Variants in EPHA5 observed in about 807,000 individuals in gnomAD.
EPHA5 encodes ephrin type-A receptor 5.
In EPHA5, 60 loss-of-function variants were observed where a neutral mutation model predicts 105.0. The ratio of observed to expected loss-of-function variants is 0.57; its 90% CI spans 0.46 to 0.71. The LOEUF is 0.71. Ranked by LOEUF, EPHA5 falls within the 30% of genes least tolerant of loss-of-function variation. The pLI, the probability that EPHA5 is intolerant of heterozygous loss-of-function variation, is 0.00. For synonymous variants in EPHA5, 513 were observed against 449.1 expected (o/e 1.14, Z -1.80); for missense variants, 1,218 against 1,274.7 (o/e 0.96, Z 0.68).
Position 65,328,160 on chromosome 4 carries a change from G to A in EPHA5, c.2945+3813C>T, listed in dbSNP as rs147026049. ...ACCGAAGGTCAATTCTAGTGATAAC[G>A]AATTATATTTTGATATAGGCCTATG... On this transcript the variant is annotated intron_variant, in intron 16 of 16. Coordinates refer to ENST00000613740, the MANE Select transcript of EPHA5 (RefSeq NM_001281766.3). Among the ~76,000 whole-genome samples, 230 of 151,036 alleles carry A rather than the reference G, an allele frequency of 1.5e-3. 1 individual carries two copies. The highest frequency in any genetic ancestry group is 5.1e-3 in the African/African-American group (213 of 41,374).
chr4:65,573,394 G>C, intron 3 of EPHA5: 1 of 980,026 alleles, frequency 1.0e-6, no homozygotes, highest in Non-Finnish European at 1.4e-6. Context: ...CTGGGTGACC[G>C]AGCCAGACTC....
At chr4:65,485,458 G>A (rs1408128088) in intron 5 of EPHA5, among the ~76,000 whole-genome samples, 1 of 151,988 alleles carries the variant, frequency 6.6e-6, no homozygotes, top group African/African-American at 2.4e-5. Context: ...ACCAATTCTA[G>A]TATTTGACTT....
chr4:65,566,262 A>G (rs1332527843), intron 3 of EPHA5, among the ~76,000 whole-genome samples: 1 of 151,840 alleles, frequency 6.6e-6, no homozygotes, highest in Non-Finnish European at 1.5e-5. Context: ...GTCTAAATGG[A>G]TTAAATTGCA....
intron 11 of EPHA5, among the ~76,000 whole-genome samples, chr4:65,364,139 A>T (rs1717616230): frequency 6.6e-6 from 1 of 151,558 alleles, no homozygotes; most frequent in Non-Finnish European, 1.5e-5. Context: ...AACACATCTA[A>T]GATTTGAAGA....
chr4:65,596,638 G>A (rs1243044004), intron 3 of EPHA5, among the ~76,000 whole-genome samples: 1 of 151,496 alleles, frequency 6.6e-6, no homozygotes, highest in African/African-American at 2.4e-5. Context: ...TGGATGAAAT[G>A]ATTTGACTAC....
intron 3 of EPHA5, among the ~76,000 whole-genome samples, chr4:65,565,167 A>G (rs1335009277): frequency 6.6e-6 from 1 of 151,714 alleles, no homozygotes; most frequent in Non-Finnish European, 1.5e-5. Context: ...CTATTCCCAA[A>G]TCACCTTTCT....
At chr4:65,461,566 A>G (rs1271588955) in intron 5 of EPHA5, among the ~76,000 whole-genome samples, 1 of 152,066 alleles carries the variant, frequency 6.6e-6, no homozygotes, top group African/African-American at 2.4e-5. Context: ...TTCATACAAA[A>G]ATTCCATGAA....
intron 2 of EPHA5, among the ~76,000 whole-genome samples, chr4:65,603,375 T>C (rs1036086896): frequency 6.6e-6 from 1 of 152,090 alleles, no homozygotes; most frequent in Non-Finnish European, 1.5e-5. Flanking sequence ...TGATATATAA[T>C]TTTAAATCTT....
At position 65,507,454 on chromosome 4, in the gene EPHA5, G is replaced by A. The variant is rs184524500; in HGVS notation, c.911-11911C>T. 1.6e-3 allele frequency among the ~76,000 whole-genome samples: 240 copies of A among 152,202 alleles called. 2 individuals carry two copies. The highest frequency in any genetic ancestry group is 6.8e-3 in the Middle Eastern group (2 of 294). On this transcript the variant is annotated intron_variant, in intron 3 of 16. Transcript: ENST00000613740. ...TGGCATTGAATCTATAAATTACCTT[G>A]GGCAGTATGGCCATTTTCACGATAT...
At chr4:65,454,095 A>C (rs1422413215) in intron 5 of EPHA5, among the ~76,000 whole-genome samples, 1 of 152,080 alleles carries the variant, frequency 6.6e-6, no homozygotes, top group East Asian at 1.9e-4. Flanking sequence ...AGCCTGACCA[A>C]TGTGGAAAAA....
Position 65,322,948 on chromosome 4 carries a change from T to G in EPHA5, c.*1166A>C. On this transcript the variant is annotated 3_prime_UTR_variant, in exon 17 of 17. Transcript: ENST00000613740. Reference sequence around the variant, plus strand: ...ACAACGGATTAACACTTAAGGGTGATGCTTCGTGCTATGTGCCTGGATTTA... The same window carrying G: ...ACAACGGATTAACACTTAAGGGTGAGGCTTCGTGCTATGTGCCTGGATTTA... 1 of 229,272 alleles carries G rather than the reference T, an allele frequency of 4.4e-6. No homozygotes were observed. Among genetic ancestry groups the G allele is most frequent in the Middle Eastern group, 1.3e-3 (1 of 774 alleles). The allele number at this position is 229,272 out of a possible 1,614,324, so 14.2% of individuals were successfully genotyped here.
chr4:65,658,328 C>G (rs193010319), intron 1 of EPHA5, among the ~76,000 whole-genome samples: 1 of 152,118 alleles, frequency 6.6e-6, no homozygotes, highest in East Asian at 1.9e-4. Flanking sequence ...ATACTGAGAA[C>G]TTTGTACTCA....
At chr4:65,444,879 A>T in intron 5 of EPHA5, among the ~76,000 whole-genome samples, 1 of 152,098 alleles carries the variant, frequency 6.6e-6, no homozygotes, top group Non-Finnish European at 1.5e-5. Flanking sequence ...TTTTCCTCAT[A>T]TTCCTGGGTA....
intron 3 of EPHA5, among the ~76,000 whole-genome samples, chr4:65,591,058 G>C (rs1394265314): frequency 6.6e-6 from 1 of 151,910 alleles, no homozygotes; most frequent in African/African-American, 2.4e-5. Context: ...TTCCTTATTA[G>C]CTTACTGACC....
chr4:65,527,928 G>C (rs1170518269), intron 3 of EPHA5, among the ~76,000 whole-genome samples: 1 of 152,056 alleles, frequency 6.6e-6, no homozygotes, highest in Admixed American at 6.6e-5. Context: ...CCACTTATAA[G>C]TGAGAACATG....
intron 11 of EPHA5, among the ~76,000 whole-genome samples, chr4:65,361,897 T>A (rs1717363684): frequency 6.6e-6 from 1 of 151,564 alleles, no homozygotes; most frequent in Admixed American, 6.6e-5. Flanking sequence ...TTTCCACTGA[T>A]GGTAGATGAA....
intron 3 of EPHA5, among the ~76,000 whole-genome samples, chr4:65,549,547 G>A (rs950131700): frequency 4.3e-4 from 15 of 35,206 alleles, no homozygotes; most frequent in Non-Finnish European, 7.7e-4. Flanking sequence ...AGTGTTCTAA[G>A]TTGACTTTTT....
intron 5 of EPHA5, among the ~76,000 whole-genome samples, chr4:65,472,901 A>T (rs1729431764): frequency 1.3e-5 from 2 of 152,200 alleles, no homozygotes; most frequent in Admixed American, 1.3e-4. Flanking sequence ...AGCCGGCTTG[A>T]ATTTCTCCCG....
intron 3 of EPHA5, among the ~76,000 whole-genome samples, chr4:65,518,800 C>T (rs1373325421): frequency 2.0e-5 from 3 of 151,894 alleles, no homozygotes; most frequent in African/African-American, 7.3e-5. Context: ...CAATAACAGG[C>T]TCTGAAATTG....
Sources: allele counts gnomAD v4.1 joint callset (sites outside exome capture counted in the v4.1 genomes callset), GRCh38; gene constraint gnomAD v4.1.1; transcripts MANE v1.5; gene names NCBI Gene and HGNC (gene_info 2026-07-23, HGNC 2026-07-21).